Variants in PDZD2 observed in about 807,000 individuals in gnomAD.
PDZD2 encodes the protein PDZ domain containing 2.
PDZD2 carries 90 observed loss-of-function variants against 220.7 expected under a neutral mutation model. The ratio of observed to expected loss-of-function variants is 0.41; its 90% confidence interval spans 0.34 to 0.49. The LOEUF (loss-of-function observed/expected upper bound fraction) is 0.49. Among genes scored for constraint, PDZD2 ranks in the 20% least tolerant of loss-of-function variants. The pLI is 0.28. For missense variants in PDZD2, 3,174 were observed against 3,608.5 expected, an observed-to-expected ratio of 0.88 and a Z score of 3.08; for synonymous variants, 1,375 against 1,450.5, an observed-to-expected ratio of 0.95 and a Z score of 1.18.
intron 5 of PDZD2, among the ~76,000 whole-genome samples, chr5:32,001,027 A>G (rs1752066428): frequency 6.6e-6 from 1 of 152,208 alleles, no homozygotes; most frequent in African/African-American, 2.4e-5. Flanking sequence ...CGCACACGCA[A>G]CAGATCTAGG....
intron 19 of PDZD2, among the ~76,000 whole-genome samples, chr5:32,082,653 G>C (rs1742081687): frequency 1.3e-5 from 2 of 152,266 alleles, no homozygotes; most frequent in African/African-American, 2.4e-5. Flanking sequence ...ATTTTCCTAA[G>C]AGAAACATAT....
At chr5:31,756,244 G>A (rs923101902) in intron 1 of PDZD2, among the ~76,000 whole-genome samples, 22 of 152,136 alleles carry the variant, frequency 1.4e-4, no homozygotes, top group Non-Finnish European at 2.5e-4. Flanking sequence ...CTTGAGATGC[G>A]GCCTGGAGTG....
intron 1 of PDZD2, among the ~76,000 whole-genome samples, chr5:31,645,615 G>A (rs370250817): frequency 1.2e-3 from 185 of 152,160 alleles, no homozygotes; most frequent in Non-Finnish European, 1.6e-3. Context: ...GATTACAGGC[G>A]TGAGCCGCTG....
chr5:31,840,041 G>C (rs1040217314), intron 2 of PDZD2, among the ~76,000 whole-genome samples: 1 of 151,980 alleles, frequency 6.6e-6, no homozygotes, highest in African/African-American at 2.4e-5. Flanking sequence ...AGCAGAGAAT[G>C]GACTAGTAAA....
chr5:31,687,376 C>T (rs533236503), intron 1 of PDZD2, among the ~76,000 whole-genome samples: 1 of 152,330 alleles, frequency 6.6e-6, no homozygotes, highest in African/African-American at 2.4e-5. Context: ...TTATGACAAA[C>T]ATGGCCTTTC....
chr5:32,024,681 TCAAAAA>T (rs1754480820), intron 6 of PDZD2, among the ~76,000 whole-genome samples: 2 of 132,468 alleles, frequency 1.5e-5, no homozygotes, highest in Admixed American at 1.5e-4. Flanking sequence ...AGACTTCATC[TCAAAAA>T]AAAAAAGAAA....
At chr5:31,821,394 T>TCA (rs60694589) in intron 2 of PDZD2, among the ~76,000 whole-genome samples, 1 of 147,436 alleles carries the variant, frequency 6.8e-6, no homozygotes, top group Non-Finnish European at 1.5e-5. Flanking sequence ...ATTATTTTTT[T>TCA]TTTTTGAGAT....
intron 5 of PDZD2, among the ~76,000 whole-genome samples, chr5:32,006,948 C>G (rs1752870871): frequency 8.2e-6 from 1 of 122,498 alleles, no homozygotes. Context: ...CGGAGTCTCG[C>G]TCTGTCTCCC....
intron 1 of PDZD2, among the ~76,000 whole-genome samples, chr5:31,703,951 CTCTCTT>C (rs1191614522): frequency 7.7e-6 from 1 of 129,084 alleles, no homozygotes; most frequent in Non-Finnish European, 1.7e-5. Flanking sequence ...CTCTCTTTCT[CTCTCTT>C]TCTCTCTCTC....
At chr5:31,686,574 C>T (rs774357932) in intron 1 of PDZD2, among the ~76,000 whole-genome samples, 11 of 152,062 alleles carry the variant, frequency 7.2e-5, no homozygotes, top group Admixed American at 1.3e-4. Flanking sequence ...GCCATGTTGG[C>T]CAGGCTAGTC....
At chr5:31,901,302 C>T (rs1742075106) in intron 2 of PDZD2, among the ~76,000 whole-genome samples, 1 of 151,986 alleles carries the variant, frequency 6.6e-6, no homozygotes, top group Non-Finnish European at 1.5e-5. Flanking sequence ...CCTGTAATCC[C>T]ACCTACCCAG....
chr5:31,803,932 G>C (rs962653188), intron 2 of PDZD2, among the ~76,000 whole-genome samples: 1 of 151,724 alleles, frequency 6.6e-6, no homozygotes, highest in Non-Finnish European at 1.5e-5. Context: ...CCAGCTACTC[G>C]AGAGGCTGAG....
At chr5:31,846,562 T>C (rs538054421) in intron 2 of PDZD2, among the ~76,000 whole-genome samples, 12 of 152,402 alleles carry the variant, frequency 7.9e-5, no homozygotes, top group South Asian at 4.1e-4. Flanking sequence ...TTTTTAATTC[T>C]GGGCATCATG....
At chr5:31,711,846 C>G (rs529841352) in intron 1 of PDZD2, among the ~76,000 whole-genome samples, 3 of 152,224 alleles carry the variant, frequency 2.0e-5, no homozygotes, top group Non-Finnish European at 4.4e-5. Context: ...CTGGCTGCAG[C>G]TCTCGAAGTC....
chr5:32,090,774 A>G lies in PDZD2; in HGVS notation c.7326A>G (p.Leu2442=). ...GTAGCAAGGGCTCTGATTCGGAACT[A>G]AAGAAATCACTTGGTCCTTTGGGAA... ...ETSSKGSDSE[L]KKSLGPLGIP... The change falls in exon 20 of 25, where the codon CTA becomes CTG. Residue 2442 remains leucine (L), a synonymous_variant. Transcript: ENST00000438447. The surrounding 1 kb of genome is among the most constrained non-coding windows in gnomAD (Gnocchi z 4.3). 30 of 1,614,092 alleles carry G rather than the reference A, an allele frequency of 1.9e-5. No homozygotes were observed. Among genetic ancestry groups the G allele is most frequent in the Non-Finnish European group, 2.5e-5 (30 of 1,180,014 alleles).
intron 6 of PDZD2, among the ~76,000 whole-genome samples, chr5:32,028,235 G>A (rs758277760): frequency 2.0e-5 from 3 of 152,144 alleles, no homozygotes; most frequent in Non-Finnish European, 4.4e-5. Context: ...TCAGGATTGC[G>A]ACATGCTATT....
At chr5:31,677,048 A>G (rs539503943) in intron 1 of PDZD2, among the ~76,000 whole-genome samples, 243 of 152,252 alleles carry the variant, frequency 1.6e-3, no homozygotes, top group African/African-American at 5.3e-3. Context: ...GGTCAGCCCT[A>G]TGAAAAAAGG....
intron 1 of PDZD2, chr5:31,725,549 G>T: frequency 6.9e-7 from 1 of 1,451,484 alleles, no homozygotes. Flanking sequence ...CTGGACTTAG[G>T]ACTAGTCCAA....
chr5:31,921,844 C>T (rs1448971152), intron 2 of PDZD2, among the ~76,000 whole-genome samples: 1 of 152,106 alleles, frequency 6.6e-6, no homozygotes, highest in Non-Finnish European at 1.5e-5. Context: ...GGGAGGATTA[C>T]ACTTTCTTAG....
Sources: gnomAD v4.1 joint callset for allele counts (sites outside exome capture counted in the v4.1 genomes callset) on GRCh38, gnomAD v4.1.1 for gene constraint, Gnocchi (gnomAD v3.1) non-coding constraint, MANE v1.5 for transcripts, NCBI Gene and HGNC (gene_info 2026-07-23, HGNC 2026-07-21) for gene names.